MARCHF8: variants seen among roughly 807,000 people sequenced by gnomAD.
MARCHF8 encodes the protein E3 ubiquitin-protein ligase MARCHF8.
In MARCHF8, 40 loss-of-function variants were observed where a neutral mutation model predicts 51.6. The ratio of observed to expected loss-of-function variants is 0.77; its 90% CI spans 0.60 to 1.01. The LOEUF (loss-of-function observed/expected upper bound fraction) is 1.01, where lower values mean the gene tolerates loss of function less well. Ranked by LOEUF, MARCHF8 falls within the 50% of genes least tolerant of loss-of-function variation. The pLI is 0.00. For synonymous variants in MARCHF8, 263 were observed against 280.3 expected (o/e 0.94, Z 0.62); for missense variants, 685 against 708.6 (o/e 0.97, Z 0.38).
At chr10:45,516,490 C>T (rs1257890435) in intron 2 of MARCHF8, among the ~76,000 whole-genome samples, 2 of 143,184 alleles carry the variant, frequency 1.4e-5, no homozygotes, top group South Asian at 2.5e-4. Context: ...GGGCCAGGCA[C>T]GGTGGCTCAC....
At chr10:45,545,644 G>C (rs2044110619) in intron 1 of MARCHF8, among the ~76,000 whole-genome samples, 1 of 152,196 alleles carries the variant, frequency 6.6e-6, no homozygotes, top group Non-Finnish European at 1.5e-5. Flanking sequence ...AGCATTTTAA[G>C]ACAGAGGAAA....
intron 3 of MARCHF8, among the ~76,000 whole-genome samples, chr10:45,478,715 C>T (rs149424229): frequency 5.3e-4 from 80 of 151,892 alleles, no homozygotes; most frequent in African/African-American, 1.8e-3. Context: ...CACAGAAATA[C>T]AAAAGATCAT....
chr10:45,462,686 C>A (rs200825758), intron 5 of MARCHF8, among the ~76,000 whole-genome samples: 4 of 150,618 alleles, frequency 2.7e-5, no homozygotes, highest in Non-Finnish European at 5.9e-5. Context: ...AGTGCAATGG[C>A]GCAATCTTGG....
intron 2 of MARCHF8, among the ~76,000 whole-genome samples, chr10:45,529,951 G>A (rs2043850787): frequency 1.3e-5 from 2 of 152,156 alleles, no homozygotes; most frequent in African/African-American, 4.8e-5. Flanking sequence ...TACGCAAAGG[G>A]AAAGAAATCA....
Position 45,477,055 on chromosome 10 carries a change from C to CA in MARCHF8, c.153+12311dup, listed in dbSNP as rs536104494. Among the ~76,000 whole-genome samples, 919 of 152,248 alleles carry CA rather than the reference C, an allele frequency of 6.0e-3. 9 individuals are homozygous for CA. The highest frequency in any genetic ancestry group is 0.021 in the African/African-American group (860 of 41,558). On this transcript the variant is annotated intron_variant, in intron 3 of 7. Transcript: ENST00000453424. ...TCTCCTCCACAGCACATTATATAGT[C>CA]AAACAGTCAAAAGTTGAAGCCTAAA...
chr10:45,537,123 C>T (rs2043984899), upstream of MARCHF8, among the ~76,000 whole-genome samples: 1 of 152,002 alleles, frequency 6.6e-6, no homozygotes, highest in Non-Finnish European at 1.5e-5. Flanking sequence ...CCAACAACTT[C>T]AATCCTAGGG....
intron 1 of MARCHF8, among the ~76,000 whole-genome samples, chr10:45,562,479 A>G (rs1405343512): frequency 1.3e-5 from 2 of 152,198 alleles, no homozygotes; most frequent in Non-Finnish European, 2.9e-5. Context: ...CAGACAGTAG[A>G]ATATTATCTT....
chr10:45,586,680 A>G (rs10900228), intron 1 of MARCHF8, among the ~76,000 whole-genome samples: 17,108 of 152,134 alleles, frequency 0.11, 1,307 homozygotes, highest in Non-Finnish European at 0.16. Flanking sequence ...TGTAGGCAAA[A>G]AGTTGCTCAT....
intron 2 of MARCHF8, among the ~76,000 whole-genome samples, chr10:45,528,436 G>A (rs114452192): frequency 2.7e-4 from 41 of 152,124 alleles, no homozygotes; most frequent in Middle Eastern, 3.4e-3. Context: ...AAAATCAGTA[G>A]TATTTCTTTT....
chr10:45,585,243 C>A (rs1039888802), intron 1 of MARCHF8, among the ~76,000 whole-genome samples: 1 of 152,120 alleles, frequency 6.6e-6, no homozygotes, highest in African/African-American at 2.4e-5. Context: ...CCTGACCATA[C>A]ACAAAGAGAA....
At chr10:45,474,842 A>C (rs117384157) in intron 3 of MARCHF8, among the ~76,000 whole-genome samples, 22 of 152,290 alleles carry the variant, frequency 1.4e-4, no homozygotes, top group Admixed American at 3.3e-4. Context: ...CCAGCGGTCC[A>C]CATTCCTACC....
Position 45,458,291 on chromosome 10 carries a change from G to C in MARCHF8, c.1670C>G (p.Ser557Cys). ...GYGICHSDTN[S>C]SCCTEPEDTG... ...GTCTTCAGGCTCTGTGCAACAAGAAGAGTTTGTGTCGGAATGACAGATTCC... is the reference window on the plus strand; with the variant it reads ...GTCTTCAGGCTCTGTGCAACAAGAACAGTTTGTGTCGGAATGACAGATTCC... The change falls in exon 8 of 8, where the codon TCT (serine) becomes TGT (cysteine). Residue 557 changes from serine (S) to cysteine (C), a missense_variant. Coordinates refer to ENST00000453424, the MANE Select transcript of MARCHF8 (RefSeq NM_001282866.2). The C allele has an allele frequency of 6.2e-7, 1 of 1,614,068 alleles. No homozygotes were observed. Among genetic ancestry groups the C allele is most frequent in the Non-Finnish European group, 8.5e-7 (1 of 1,180,012 alleles).
intron 1 of MARCHF8, among the ~76,000 whole-genome samples, chr10:45,590,100 C>T (rs981445381): frequency 4.6e-5 from 7 of 152,174 alleles, no homozygotes; most frequent in African/African-American, 1.7e-4. Flanking sequence ...ACATAGCCAT[C>T]TTAGTTTACT....
At chr10:45,475,114 C>CA (rs2042763083) in intron 3 of MARCHF8, among the ~76,000 whole-genome samples, 2 of 152,238 alleles carry the variant, frequency 1.3e-5, no homozygotes, top group African/African-American at 4.8e-5. Flanking sequence ...TTCCTCACCA[C>CA]AGCCATTGCA....
intron 1 of MARCHF8, among the ~76,000 whole-genome samples, chr10:45,541,012 G>A (rs994884241): frequency 5.3e-5 from 8 of 152,180 alleles, no homozygotes; most frequent in East Asian, 1.9e-4. Flanking sequence ...TCAGTGTGGC[G>A]ATTCCCCAGG....
chr10:45,580,033 C>T (rs1033785689), intron 1 of MARCHF8, among the ~76,000 whole-genome samples: 9 of 136,688 alleles, frequency 6.6e-5, no homozygotes, highest in African/African-American at 1.9e-4. Flanking sequence ...AAAAAAAAAT[C>T]CACAGTATTC....
chr10:45,534,000 G>A (rs1466004077), intron 1 of MARCHF8, among the ~76,000 whole-genome samples: 1 of 152,130 alleles, frequency 6.6e-6, no homozygotes, highest in Non-Finnish European at 1.5e-5. Flanking sequence ...TGGCTAACAC[G>A]GTGAAACCCT....
intron 3 of MARCHF8, among the ~76,000 whole-genome samples, chr10:45,486,287 C>T (rs541118536): frequency 2.6e-5 from 4 of 152,220 alleles, no homozygotes; most frequent in South Asian, 4.1e-4. Context: ...AAGAAGGGGC[C>T]GGGCACGGTG....
chr10:45,576,429 G>A (rs2044489960), intron 1 of MARCHF8, among the ~76,000 whole-genome samples: 1 of 152,106 alleles, frequency 6.6e-6, no homozygotes, highest in Middle Eastern at 3.2e-3. Flanking sequence ...GCATATCTTT[G>A]CACAGAGTGT....
Sources: allele counts gnomAD v4.1 joint callset (sites outside exome capture counted in the v4.1 genomes callset), GRCh38; gene constraint gnomAD v4.1.1; transcripts MANE v1.5; gene names NCBI Gene and HGNC (gene_info 2026-07-23, HGNC 2026-07-21).